Variants in PABIR3 observed in about 807,000 individuals in gnomAD.
PABIR3 encodes PABIR family member 3, also known as PABIR family member 1.
Under a neutral mutation model 23.1 loss-of-function variants are expected in PABIR3, and 20 were observed. That is an observed-to-expected ratio of 0.86 (90% confidence interval 0.61 to 1.26). The LOEUF is 1.26. PABIR3 is among the 50% of genes most tolerant of loss of function. The pLI is 0.00. For synonymous variants in PABIR3, 69 were observed against 68.5 expected (o/e 1.01, Z -0.04); for missense variants, 189 against 195.4 (o/e 0.97, Z 0.20).
chrX:134,844,936 T>C (rs1313410610), intron 4 of PABIR3, among the ~76,000 whole-genome samples: 1 of 112,343 alleles, frequency 8.9e-6, no homozygotes, highest in Non-Finnish European at 1.9e-5. Context: ...TTAATGTTGT[T>C]GCTTTTGAAT....
At chrX:134,833,363 T>C (rs1217745810) in intron 4 of PABIR3, among the ~76,000 whole-genome samples, 1 of 110,561 alleles carries the variant, frequency 9.0e-6, no homozygotes, top group African/African-American at 3.3e-5. Context: ...GGACTTTTTT[T>C]CTCCATAATC....
chrX:134,845,434 T>C, intron 6 of PABIR3, 33 bp downstream of exon 6: 2 of 1,095,719 alleles, frequency 1.8e-6, no homozygotes. Context: ...TTGTAGAAAA[T>C]TTCAAATTTT....
intron 9 of PABIR3, among the ~76,000 whole-genome samples, chrX:134,852,224 C>T (rs1222471794): frequency 8.9e-6 from 1 of 112,068 alleles, no homozygotes; most frequent in Non-Finnish European, 1.9e-5. Flanking sequence ...CCTGTAATCC[C>T]AGCATTTTGG....
intron 4 of PABIR3, among the ~76,000 whole-genome samples, chrX:134,842,961 G>C (rs1204412241): frequency 9.1e-6 from 1 of 109,384 alleles, no homozygotes. Context: ...CCAGCACTTT[G>C]GGAGGCCAAG....
In PABIR3 at chrX:134,819,106, T is replaced by G. The variant is rs750266784; in HGVS notation, c.189+4257T>G. Reference sequence around the variant, plus strand: ...CACGCGCCACCACACCTGGCTAATGTTCGTATTTTTAGTAGAGATGGGGTT... The same window carrying G: ...CACGCGCCACCACACCTGGCTAATGGTCGTATTTTTAGTAGAGATGGGGTT... On this transcript the variant is annotated intron_variant, in intron 3 of 10. Coordinates refer to ENST00000645433, the MANE Select transcript of PABIR3 (RefSeq NM_001388447.1). Among the ~76,000 whole-genome samples, 3 of 108,386 alleles carry G rather than the reference T, an allele frequency of 2.8e-5. No homozygotes were observed. In the East Asian group the frequency reaches 8.7e-4, roughly 31 times the overall value. The allele number at this position is 108,386 out of a possible 115,157, so 94.1% of individuals were successfully genotyped here.
chrX:134,801,785 A>C (rs954023159), intron 1 of PABIR3, among the ~76,000 whole-genome samples: 17 of 110,811 alleles, frequency 1.5e-4, no homozygotes, highest in African/African-American at 5.6e-4. Context: ...TGGTTATAAA[A>C]GACTGAGGAG....
At chrX:134,824,207 C>T in intron 3 of PABIR3, among the ~76,000 whole-genome samples, 1 of 111,991 alleles carries the variant, frequency 8.9e-6, no homozygotes, top group Non-Finnish European at 1.9e-5. Context: ...GCAATGACTG[C>T]ATAACCCCTT....
At chrX:134,830,186 A>G (rs1352101789) in intron 4 of PABIR3, among the ~76,000 whole-genome samples, 2 of 110,796 alleles carry the variant, frequency 1.8e-5, no homozygotes, top group South Asian at 3.8e-4. Context: ...CACAAAGCCC[A>G]TAATACCATC....
chrX:134,833,317 G>T (rs1292157352), intron 4 of PABIR3, among the ~76,000 whole-genome samples: 1 of 110,395 alleles, frequency 9.1e-6, no homozygotes, highest in African/African-American at 3.3e-5. Context: ...TTAAATTTCT[G>T]ACATATCTTT....
upstream of PABIR3, chrX:134,807,072 T>C (rs1302612104): frequency 6.9e-6 from 4 of 576,136 alleles, no homozygotes; most frequent in African/African-American, 1.0e-4. Context: ...GACATGGGGA[T>C]AAAGCGGTTT....
upstream of PABIR3, among the ~76,000 whole-genome samples, chrX:134,806,417 G>A (rs1219672379): frequency 1.8e-5 from 2 of 110,549 alleles, no homozygotes; most frequent in Non-Finnish European, 3.8e-5. Flanking sequence ...AGGAGTTCGA[G>A]ACCAGCCTGG....
At chrX:134,820,595 T>G (rs1342639540) in intron 3 of PABIR3, among the ~76,000 whole-genome samples, 2 of 111,576 alleles carry the variant, frequency 1.8e-5, no homozygotes, top group African/African-American at 6.5e-5. Context: ...TTTTGGAGAT[T>G]GGCTGCACAA....
At chrX:134,851,264 A>G (rs2082622598) in intron 9 of PABIR3, among the ~76,000 whole-genome samples, 1 of 111,664 alleles carries the variant, frequency 9.0e-6, no homozygotes, top group African/African-American at 3.3e-5. Flanking sequence ...GGCCGGGCAC[A>G]GTGGCTCATG....
intron 1 of PABIR3, among the ~76,000 whole-genome samples, chrX:134,799,462 C>A (rs768840328): frequency 1.6e-4 from 18 of 112,358 alleles, no homozygotes; most frequent in African/African-American, 5.5e-4. Context: ...GTTAGACTAT[C>A]CTAAATAATT....
intron 3 of PABIR3, chrX:134,821,761 G>T: frequency 4.4e-6 from 4 of 916,978 alleles, no homozygotes; most frequent in Non-Finnish European, 4.1e-6. Context: ...CCCATGTTCA[G>T]TTCATGTTAA....
intron 5 of PABIR3, 46 bp from the exon 6 acceptor site, chrX:134,845,301 T>C (rs1428876829): frequency 1.7e-6 from 2 of 1,185,617 alleles, no homozygotes; most frequent in Non-Finnish European, 2.3e-6. Flanking sequence ...CTTAATTATA[T>C]CTTTTCTTTC....
chrX:134,804,145 A>AGGAGT, upstream of PABIR3: 1 of 1,000,864 alleles, frequency 1.0e-6, no homozygotes, highest in Non-Finnish European at 1.4e-6. Flanking sequence ...ATGCAAAGAG[A>AGGAGT]GGAGTAGCCT....
At chrX:134,813,335 G>A (rs763232375) in intron 2 of PABIR3, among the ~76,000 whole-genome samples, 17 of 112,299 alleles carry the variant, frequency 1.5e-4, no homozygotes, top group Non-Finnish European at 3.0e-4. Context: ...TTAGCCTAGA[G>A]AAGGGAAAGA....
At chrX:134,828,873 C>A (rs116275044) in intron 3 of PABIR3, among the ~76,000 whole-genome samples, 1,389 of 111,288 alleles carry the variant, frequency 0.012, 22 homozygotes, top group African/African-American at 0.044. Context: ...AATACCTCTA[C>A]CTAAGCTTTA....
Sources: gnomAD v4.1 joint callset for allele counts (sites outside exome capture counted in the v4.1 genomes callset) on GRCh38, gnomAD v4.1.1 for gene constraint, MANE v1.5 for transcripts, NCBI Gene and HGNC (gene_info 2026-07-23, HGNC 2026-07-21) for gene names.